The following TRHDE variants were observed in gnomAD, a reference collection of about 807,000 sequenced individuals.
TRHDE encodes the protein thyrotropin releasing hormone degrading enzyme.
Under a neutral mutation model 125.7 loss-of-function variants are expected in TRHDE, and 72 were observed. The ratio of observed to expected loss-of-function variants is 0.57; its 90% confidence interval spans 0.47 to 0.70. TRHDE has a LOEUF of 0.70. Among genes scored for constraint, TRHDE ranks in the 30% least tolerant of loss-of-function variants. The pLI is 0.00. For missense variants in TRHDE, 1,110 were observed against 1,327.1 expected, an observed-to-expected ratio of 0.84 and a Z score of 2.54; for synonymous variants, 509 against 509.1, an observed-to-expected ratio of 1.00 and a Z score of 0.00.
intron 6 of TRHDE, among the ~76,000 whole-genome samples, chr12:72,512,505 TATA>T (rs1298873584): frequency 1.4e-5 from 2 of 138,750 alleles, no homozygotes; most frequent in Non-Finnish European, 3.1e-5. Flanking sequence ...ATTATATAGT[TATA>T]ATTATATTAT....
chr12:72,320,222 A>T (rs1211333568), intron 2 of TRHDE, among the ~76,000 whole-genome samples: 2 of 152,104 alleles, frequency 1.3e-5, no homozygotes, highest in Non-Finnish European at 2.9e-5. Flanking sequence ...CTCAATATCC[A>T]TGGGGGATTT....
intron 3 of TRHDE, among the ~76,000 whole-genome samples, chr12:72,401,626 C>T (rs1253648887): frequency 6.6e-6 from 1 of 152,068 alleles, no homozygotes; most frequent in African/African-American, 2.4e-5. Flanking sequence ...AATGTTTGAA[C>T]CTTATATTCA....
intron 2 of TRHDE, among the ~76,000 whole-genome samples, chr12:72,358,591 C>T (rs1040188617): frequency 6.6e-6 from 1 of 151,280 alleles, no homozygotes; most frequent in Non-Finnish European, 1.5e-5. Flanking sequence ...GGGTCAGCGC[C>T]TCTAACCCGC....
At chr12:72,373,190 T>C (rs992977231) in intron 2 of TRHDE, among the ~76,000 whole-genome samples, 4 of 152,196 alleles carry the variant, frequency 2.6e-5, no homozygotes, top group Non-Finnish European at 5.9e-5. Context: ...GGCTCTCTGT[T>C]TGTCTGTTAT....
chr12:72,564,832 A>C (rs921777875), intron 9 of TRHDE, among the ~76,000 whole-genome samples: 1 of 151,360 alleles, frequency 6.6e-6, no homozygotes, highest in African/African-American at 2.4e-5. Context: ...ACACCCGGCT[A>C]ATTTTTTGTA....
chr12:72,265,129 A>C (rs1056089782), intron 2 of TRHDE, among the ~76,000 whole-genome samples: 1 of 151,706 alleles, frequency 6.6e-6, no homozygotes, highest in African/African-American at 2.4e-5. Flanking sequence ...ACAAATGTAA[A>C]AAAAAAAGAC....
chr12:72,544,850 T>C (rs1383433725), intron 7 of TRHDE, among the ~76,000 whole-genome samples: 2 of 151,538 alleles, frequency 1.3e-5, no homozygotes, highest in Non-Finnish European at 3.0e-5. Flanking sequence ...ATTTAACTTA[T>C]AAAGCATCGG....
intron 1 of TRHDE, among the ~76,000 whole-genome samples, chr12:72,091,180 A>T (rs1874781695): frequency 6.6e-6 from 1 of 152,084 alleles, no homozygotes; most frequent in South Asian, 2.1e-4. Flanking sequence ...GGCCGAATTT[A>T]TTAGTCATCA....
At chr12:72,415,158 A>G (rs1873678840) in intron 3 of TRHDE, among the ~76,000 whole-genome samples, 1 of 152,054 alleles carries the variant, frequency 6.6e-6, no homozygotes, top group Admixed American at 6.6e-5. Context: ...CAGCTCCTCA[A>G]CACCTCACTT....
At chr12:72,194,691 G>A (rs1283094277) in intron 2 of TRHDE, among the ~76,000 whole-genome samples, 1 of 152,054 alleles carries the variant, frequency 6.6e-6, no homozygotes, top group Non-Finnish European at 1.5e-5. Flanking sequence ...AATCCACATT[G>A]CTGCGAAGGA....
At chr12:72,466,372 A>G (rs1371491906) in intron 3 of TRHDE, among the ~76,000 whole-genome samples, 2 of 152,162 alleles carry the variant, frequency 1.3e-5, no homozygotes, top group Non-Finnish European at 2.9e-5. Context: ...GGAGGACTAC[A>G]GCTTATGGAA....
rs919403661 is a variant in TRHDE at position 72,286,923 on chromosome 12, A to T, written c.1157A>T (p.Tyr386Phe). The T allele has an allele frequency of 1.2e-6, 2 of 1,613,972 alleles. No individual in the cohort carries two copies. ...YLAWAICNFTYRETTTKSGVV... is the reference protein window; with the variant it reads ...YLAWAICNFTFRETTTKSGVV... Reference sequence around the variant, plus strand: ...GCCTGGGCAATTTGCAACTTCACATACAGAGAAACTACCACCAAGAGTGGG... The same window carrying T: ...GCCTGGGCAATTTGCAACTTCACATTCAGAGAAACTACCACCAAGAGTGGG... The change falls in exon 2 of 19, where the codon TAC (tyrosine) becomes TTC (phenylalanine). Residue 386 changes from tyrosine (Y) to phenylalanine (F), a missense_variant. Coordinates refer to ENST00000261180, the MANE Select transcript of TRHDE (RefSeq NM_013381.3).
At chr12:72,335,152 C>T (rs1173889127) in intron 2 of TRHDE, among the ~76,000 whole-genome samples, 1 of 152,110 alleles carries the variant, frequency 6.6e-6, no homozygotes, top group Non-Finnish European at 1.5e-5. Flanking sequence ...AACTTATACT[C>T]AAAATGGATG....
chr12:72,154,220 C>A (rs1004772459), intron 2 of TRHDE, among the ~76,000 whole-genome samples: 4 of 151,858 alleles, frequency 2.6e-5, no homozygotes, highest in African/African-American at 9.7e-5. Flanking sequence ...GATTGCAACC[C>A]CTGCCTTTTT....
intron 2 of TRHDE, among the ~76,000 whole-genome samples, chr12:72,360,090 A>C (rs1206408044): frequency 1.3e-5 from 2 of 151,764 alleles, no homozygotes; most frequent in African/African-American, 2.4e-5. Context: ...GCACTCACAC[A>C]ATACATTCCA....
At chr12:72,160,041 C>A (rs141099157) in intron 2 of TRHDE, among the ~76,000 whole-genome samples, 1 of 152,124 alleles carries the variant, frequency 6.6e-6, no homozygotes. Context: ...ACCATTCATG[C>A]CATGCTTTTA....
chr12:72,146,597 C>G (rs1036226941), intron 2 of TRHDE, among the ~76,000 whole-genome samples: 1 of 152,118 alleles, frequency 6.6e-6, no homozygotes, highest in Admixed American at 6.5e-5. Context: ...AGCTCAAACC[C>G]CTTGAGGAAG....
At chr12:72,243,635 C>T (rs1265346803) in intron 2 of TRHDE, among the ~76,000 whole-genome samples, 1 of 152,172 alleles carries the variant, frequency 6.6e-6, no homozygotes, top group African/African-American at 2.4e-5. Context: ...TTTAGAGTTA[C>T]ATATGTAGCT....
chr12:72,239,219 G>T (rs1419562032), intron 2 of TRHDE, among the ~76,000 whole-genome samples: 1 of 131,514 alleles, frequency 7.6e-6, no homozygotes, highest in Non-Finnish European at 1.7e-5. Flanking sequence ...CATATCCTTT[G>T]CCCACTTTTT....
Sources: gnomAD v4.1 joint callset for allele counts (sites outside exome capture counted in the v4.1 genomes callset) on GRCh38, gnomAD v4.1.1 for gene constraint, MANE v1.5 for transcripts, NCBI Gene and HGNC (gene_info 2026-07-23, HGNC 2026-07-21) for gene names.